Variants in CADM3 observed in about 807,000 individuals in gnomAD.
CADM3 encodes the protein TSLC1-like 1.
Under a neutral mutation model 44.9 loss-of-function variants are expected in CADM3, and 11 were observed. That is an observed-to-expected ratio of 0.25 (90% CI 0.15 to 0.41). CADM3 has a LOEUF of 0.41. Among genes scored for constraint, CADM3 ranks in the 10% least tolerant of loss-of-function variants. The pLI, the probability that CADM3 is intolerant of heterozygous loss-of-function variation, is 1.00. For missense variants in CADM3, 426 were observed against 512.0 expected, an observed-to-expected ratio of 0.83 and a Z score of 1.62; for synonymous variants, 207 against 205.2, an observed-to-expected ratio of 1.01 and a Z score of -0.08.
intron 3 of CADM3, among the ~76,000 whole-genome samples, chr1:159,193,118 A>G (rs1300836194): frequency 6.6e-6 from 1 of 151,998 alleles, no homozygotes; most frequent in Non-Finnish European, 1.5e-5. Context: ...CTATATTTCA[A>G]CTTCCTTCTT....
intron 1 of CADM3, among the ~76,000 whole-genome samples, chr1:159,184,733 GA>G (rs1649352688): frequency 2.0e-5 from 3 of 152,156 alleles, no homozygotes; most frequent in African/African-American, 7.2e-5. Flanking sequence ...TTAAATTCAA[GA>G]CAATACATTT....
At chr1:159,196,676 G>A in intron 6 of CADM3, 1 of 638,636 alleles carries the variant, frequency 1.6e-6, no homozygotes, top group Non-Finnish European at 2.7e-6. Context: ...CAAAGGCCAA[G>A]TTAAAGTAAG....
chr1:159,175,846 G>A (rs1394435877), intron 1 of CADM3, among the ~76,000 whole-genome samples: 2 of 152,224 alleles, frequency 1.3e-5, no homozygotes, highest in African/African-American at 2.4e-5. Context: ...GCATCGCTTT[G>A]GCGTTCTGGT....
chr1:159,196,866 T>C (rs1649920740), intron 6 of CADM3, 25 bp from the exon 7 acceptor site: 1 of 1,610,590 alleles, frequency 6.2e-7, no homozygotes, highest in Non-Finnish European at 8.5e-7. Context: ...TCTCCTGAGC[T>C]CTTCTGATTT....
At position 159,187,597 on chromosome 1, in the gene CADM3, G is replaced by T. The variant is rs1649468253; in HGVS notation, c.89-4339G>T. 2.6e-5 allele frequency among the ~76,000 whole-genome samples: 4 copies of T among 152,314 alleles called. 1 individual carries two copies. The South Asian group carries it at 8.3e-4, about 32-fold the overall frequency. ...AAGTCCTATACTATGGTATGAGACG[G>T]CTATTTCCTCCACTCATTTGAGCAA... is the stretch of plus-strand genomic sequence containing the variant. On this transcript the variant is annotated intron_variant, in intron 1 of 8. Coordinates refer to ENST00000368125, the MANE Select transcript of CADM3 (RefSeq NM_001127173.3).
In CADM3 at chr1:159,199,764, G is replaced by A; in HGVS notation, c.966G>A (p.Val322=). The change falls in exon 8 of 9, where the codon GTG becomes GTA. Residue 322 remains valine (V), a synonymous_variant. Transcript: ENST00000368125. The part of the protein sequence containing the change: ...YTLNVNDPSP[V]PSSSSTYHAI... ...CCTTTCTTCCAGACCCCAGTCCGGT[G>A]CCCTCCTCCTCCAGCACCTACCACG... 6.2e-7 allele frequency: 1 copy of A among 1,614,050 alleles called. No individual in the cohort carries two copies. The highest frequency in any genetic ancestry group is 8.5e-7 in the Non-Finnish European group (1 of 1,180,004).
intron 8 of CADM3, among the ~76,000 whole-genome samples, chr1:159,200,517 AG>A (rs1650127206): frequency 2.0e-5 from 1 of 51,042 alleles, no homozygotes; most frequent in South Asian, 7.4e-4. Context: ...CATGCGTGCA[AG>A]CACACACACA....
At chr1:159,199,000 C>CT (rs1650029426) in intron 7 of CADM3, among the ~76,000 whole-genome samples, 1 of 152,144 alleles carries the variant, frequency 6.6e-6, no homozygotes, top group Non-Finnish European at 1.5e-5. Flanking sequence ...TTGGGAAAGA[C>CT]TAGAGGCTTG....
chr1:159,185,725 GT>G (rs2102109817), intron 1 of CADM3, among the ~76,000 whole-genome samples: 2 of 152,222 alleles, frequency 1.3e-5, no homozygotes, highest in South Asian at 4.1e-4. Context: ...TTCATCTCCT[GT>G]TTGGTTTGCT....
At chr1:159,196,820 T>G in intron 6 of CADM3, 71 bp from the exon 7 acceptor site, 1 of 1,441,054 alleles carries the variant, frequency 6.9e-7, no homozygotes, top group East Asian at 2.3e-5. Flanking sequence ...CTGCTCCCAG[T>G]TATTTTTTTT....
chr1:159,195,627 C>G (rs1649857192), intron 5 of CADM3: 1 of 152,264 alleles, frequency 6.6e-6, no homozygotes, highest in Admixed American at 6.5e-5. Context: ...TTCTCTATGT[C>G]CCATTTGATT....
At chr1:159,172,053 C>T (rs1267891622) in intron 1 of CADM3, among the ~76,000 whole-genome samples, 200 bp downstream of exon 1, 2 of 152,122 alleles carry the variant, frequency 1.3e-5, no homozygotes, top group Non-Finnish European at 2.9e-5. Flanking sequence ...GTGCACCCTT[C>T]TGTGTACACC....
chr1:159,189,475 T>A (rs28385886), intron 1 of CADM3, among the ~76,000 whole-genome samples: 1 of 152,240 alleles, frequency 6.6e-6, no homozygotes, highest in Non-Finnish European at 1.5e-5. Flanking sequence ...ATCTGCGAAG[T>A]GGGAGAACTA....
intron 1 of CADM3, among the ~76,000 whole-genome samples, chr1:159,181,498 C>T (rs747030075): frequency 6.6e-6 from 1 of 151,020 alleles, no homozygotes; most frequent in South Asian, 2.1e-4. Flanking sequence ...AGAATCTGTG[C>T]TCTAGAGGTC....
chr1:159,191,253 C>T (rs557019096), intron 1 of CADM3, among the ~76,000 whole-genome samples: 5 of 152,138 alleles, frequency 3.3e-5, no homozygotes, highest in Non-Finnish European at 7.4e-5. Context: ...AAAATGACAA[C>T]ATCAGGATGG....
At chr1:159,188,869 T>C (rs1649531820) in intron 1 of CADM3, among the ~76,000 whole-genome samples, 1 of 152,062 alleles carries the variant, frequency 6.6e-6, no homozygotes, top group African/African-American at 2.4e-5. Flanking sequence ...AGGAAGTAAG[T>C]TTCTTGGTTT....
At chr1:159,182,361 AAG>A (rs767003808) in intron 1 of CADM3, among the ~76,000 whole-genome samples, 4 of 152,146 alleles carry the variant, frequency 2.6e-5, no homozygotes, top group Non-Finnish European at 4.4e-5. Flanking sequence ...GAGGCATAGG[AAG>A]AGTGGGTGTC....
intron 1 of CADM3, among the ~76,000 whole-genome samples, chr1:159,172,303 T>C (rs920434863): frequency 6.6e-6 from 1 of 152,092 alleles, no homozygotes; most frequent in Non-Finnish European, 1.5e-5. Flanking sequence ...TGTATGTCTG[T>C]AGGGGTTGGG....
chr1:159,185,505 T>G (rs1361852564), intron 1 of CADM3, among the ~76,000 whole-genome samples: 1 of 152,114 alleles, frequency 6.6e-6, no homozygotes, highest in East Asian at 1.9e-4. Flanking sequence ...GTCCATCCTA[T>G]CCCAGTACTT....
Sources: gnomAD v4.1 joint callset for allele counts (sites outside exome capture counted in the v4.1 genomes callset) on GRCh38, gnomAD v4.1.1 for gene constraint, MANE v1.5 for transcripts, NCBI Gene and HGNC (gene_info 2026-07-23, HGNC 2026-07-21) for gene names.